Variants in DLC1 observed in about 807,000 individuals in gnomAD.
DLC1 encodes the protein rho GTPase-activating protein 7.
A neutral mutation model predicts 140.3 loss-of-function variants in DLC1; 54 were observed. The observed-to-expected ratio is 0.38, with a 90% CI of 0.31 to 0.48. DLC1 has a LOEUF of 0.48. DLC1 is among the 20% of genes least tolerant of loss of function. DLC1 has a pLI of 0.96. For missense variants in DLC1, 2,536 were observed against 1,907.0 expected (o/e 1.33, Z -6.14); for synonymous variants, 986 against 728.1 (o/e 1.35, Z -5.70).
At chr8:13,097,249 T>TTTTTTATTATTA (rs1554570268) in intron 10 of DLC1, among the ~76,000 whole-genome samples, 2 of 147,006 alleles carry the variant, frequency 1.4e-5, no homozygotes, top group African/African-American at 5.0e-5. Context: ...CACATCCAAA[T>TTTTTTATTATTA]TTATTATTAT....
At chr8:13,580,087 T>C (rs1805029522) in intron 1 of DLC1, among the ~76,000 whole-genome samples, 1 of 151,752 alleles carries the variant, frequency 6.6e-6, no homozygotes, top group Non-Finnish European at 1.5e-5. Context: ...TATTCTCATA[T>C]GCCAATTATC....
intron 1 of DLC1, among the ~76,000 whole-genome samples, chr8:13,510,195 A>G (rs932693194): frequency 7.2e-6 from 1 of 138,182 alleles, no homozygotes; most frequent in Non-Finnish European, 1.5e-5. Flanking sequence ...TTTTCCTGAG[A>G]TGAAGTTTTG....
chr8:13,302,032 A>G (rs1461719584), intron 5 of DLC1, among the ~76,000 whole-genome samples: 3 of 152,224 alleles, frequency 2.0e-5, no homozygotes, highest in South Asian at 4.1e-4. Flanking sequence ...ATTGGATACA[A>G]TTATACATAT....
chr8:13,442,593 C>G (rs1311711717), intron 2 of DLC1, among the ~76,000 whole-genome samples: 1 of 152,150 alleles, frequency 6.6e-6, no homozygotes, highest in Admixed American at 6.5e-5. Context: ...AGCCAAAAGA[C>G]ACATGAAAAA....
intron 1 of DLC1, among the ~76,000 whole-genome samples, chr8:13,550,192 C>T (rs947677732): frequency 1.3e-5 from 2 of 152,040 alleles, no homozygotes; most frequent in African/African-American, 2.4e-5. Context: ...GGGGGCAGTT[C>T]CCCCATGCTG....
In DLC1 at chr8:13,100,046, C is replaced by G; in HGVS notation, c.2291G>C (p.Ser764Thr). The G allele has an allele frequency of 5.6e-6, 9 of 1,613,238 alleles. No homozygotes were observed. Among genetic ancestry groups the G allele is most frequent in the Non-Finnish European group, 7.6e-6 (9 of 1,180,036 alleles). ...CACCCGCTTGTTGCACGCACTGAGG[C>G]TCCGGGTCCTCGTAACAGGGCTGGG... Reference protein sequence around the residue: ...STPSPVTRTRSLSACNKRVGM... With the variant: ...STPSPVTRTRTLSACNKRVGM... Residue 764 changes from serine (S) to threonine (T), a missense_variant, in exon 9 of 18, where the codon AGC (serine) becomes ACC (threonine). Coordinates refer to ENST00000276297, the MANE Select transcript of DLC1 (RefSeq NM_182643.3).
chr8:13,597,007 A>G (rs998766658), intron 1 of DLC1, among the ~76,000 whole-genome samples: 11 of 151,772 alleles, frequency 7.2e-5, no homozygotes, highest in Non-Finnish European at 1.6e-4. Context: ...TGAAGGAGAG[A>G]TTGGCACTCT....
intron 4 of DLC1, among the ~76,000 whole-genome samples, chr8:13,361,775 T>C (rs1233699546): frequency 1.3e-5 from 2 of 152,180 alleles, no homozygotes; most frequent in Non-Finnish European, 2.9e-5. Flanking sequence ...GAATCAAGCT[T>C]CTTGCTCAAG....
At chr8:13,518,349 T>C (rs1802657014), upstream of DLC1, among the ~76,000 whole-genome samples, 3 of 152,306 alleles carry the variant, frequency 2.0e-5, no homozygotes, top group Non-Finnish European at 4.4e-5. Flanking sequence ...CCTCAAGTGA[T>C]CTGCCTGCCT....
intron 5 of DLC1, among the ~76,000 whole-genome samples, chr8:13,291,503 A>G (rs1413443265): frequency 6.6e-6 from 1 of 152,216 alleles, no homozygotes; most frequent in Non-Finnish European, 1.5e-5. Flanking sequence ...CAGAGCTATT[A>G]AAATGAAAAT....
intron 1 of DLC1, among the ~76,000 whole-genome samples, chr8:13,511,413 A>C (rs1013054410): frequency 2.6e-5 from 4 of 152,054 alleles, no homozygotes; most frequent in African/African-American, 9.7e-5. Flanking sequence ...ATCTTTTTTA[A>C]CTGGGCCTCA....
chr8:13,574,498 C>T (rs577528294), intron 1 of DLC1, among the ~76,000 whole-genome samples: 21 of 152,176 alleles, frequency 1.4e-4, no homozygotes, highest in African/African-American at 5.1e-4. Flanking sequence ...AAATAGAAAG[C>T]TCATCAGATG....
intron 4 of DLC1, among the ~76,000 whole-genome samples, chr8:13,372,504 C>T (rs74376088): frequency 0.016 from 2,430 of 152,246 alleles, 39 homozygotes; most frequent in Middle Eastern, 0.041. Flanking sequence ...TCTTCAGAGA[C>T]GCCAACACAG....
chr8:13,511,515 C>CTTT (rs1802364700), intron 1 of DLC1, among the ~76,000 whole-genome samples: 1 of 152,082 alleles, frequency 6.6e-6, no homozygotes, highest in Admixed American at 6.6e-5. Flanking sequence ...AGTTGAAAGC[C>CTTT]AAAACAGAAC....
At chr8:13,474,553 T>G (rs1371112135) in intron 2 of DLC1, among the ~76,000 whole-genome samples, 2 of 152,152 alleles carry the variant, frequency 1.3e-5, no homozygotes, top group Non-Finnish European at 2.9e-5. Context: ...ACTTGCATCG[T>G]GTGCCTGGAG....
chr8:13,471,183 C>A (rs1185116007), intron 2 of DLC1, among the ~76,000 whole-genome samples: 1 of 151,168 alleles, frequency 6.6e-6, no homozygotes, highest in African/African-American at 2.4e-5. Flanking sequence ...TCAAGGGGTA[C>A]AAAGTTTTAA....
At chr8:13,189,902 G>A (rs984272140) in intron 5 of DLC1, among the ~76,000 whole-genome samples, 1 of 151,554 alleles carries the variant, frequency 6.6e-6, no homozygotes, top group African/African-American at 2.4e-5. Flanking sequence ...AAAAGAAGCT[G>A]CACTCTTGGC....
At chr8:13,368,231 A>G (rs1835580023) in intron 4 of DLC1, among the ~76,000 whole-genome samples, 2 of 152,200 alleles carry the variant, frequency 1.3e-5, no homozygotes, top group Non-Finnish European at 2.9e-5. Context: ...CAAACTTGAT[A>G]AAGGGCCCTC....
intron 2 of DLC1, among the ~76,000 whole-genome samples, chr8:13,420,579 G>A (rs1838271241): frequency 6.6e-6 from 1 of 151,920 alleles, no homozygotes; most frequent in South Asian, 2.1e-4. Context: ...ACCCCTGACA[G>A]GCCCGGGTGT....
Sources: allele counts gnomAD v4.1 joint callset (sites outside exome capture counted in the v4.1 genomes callset), GRCh38; gene constraint gnomAD v4.1.1; transcripts MANE v1.5; gene names NCBI Gene and HGNC (gene_info 2026-07-23, HGNC 2026-07-21).